The following TAFA2 variants were observed in gnomAD, a reference collection of about 807,000 sequenced individuals.
TAFA2 encodes the protein TAFA chemokine like family member 2.
TAFA2 carries 7 observed loss-of-function variants against 18.8 expected under a neutral mutation model. The ratio of observed to expected loss-of-function variants is 0.37; its 90% CI spans 0.21 to 0.70. The LOEUF (loss-of-function observed/expected upper bound fraction) is 0.70. TAFA2 is among the 30% of genes least tolerant of loss of function. The pLI is 0.53. For synonymous variants in TAFA2, 60 were observed against 54.2 expected (o/e 1.11, Z -0.47); for missense variants, 122 against 158.1 (o/e 0.77, Z 1.23).
At chr12:62,059,061 G>C (rs192692796) in intron 1 of TAFA2, among the ~76,000 whole-genome samples, 1,977 of 151,626 alleles carry the variant, frequency 0.013, 23 homozygotes, top group Non-Finnish European at 0.022. Context: ...CGAGATCACG[G>C]CACTGCACTC....
At chr12:61,831,340 T>C (rs1872714215) in intron 2 of TAFA2, among the ~76,000 whole-genome samples, 1 of 152,066 alleles carries the variant, frequency 6.6e-6, no homozygotes. Context: ...TGGAAAGAGA[T>C]GGAAACTCTG....
intron 1 of TAFA2, among the ~76,000 whole-genome samples, chr12:62,231,125 A>T (rs949807222): frequency 6.6e-6 from 1 of 152,188 alleles, no homozygotes; most frequent in African/African-American, 2.4e-5. Context: ...ATCTATTACT[A>T]AGAGCTGGGT....
chr12:62,239,796 T>C (rs2062853894), intron 1 of TAFA2, among the ~76,000 whole-genome samples: 1 of 152,172 alleles, frequency 6.6e-6, no homozygotes, highest in Admixed American at 6.5e-5. Flanking sequence ...CATTGAGTTA[T>C]ACACCACCCC....
At chr12:61,798,584 C>A (rs1490757246) in intron 2 of TAFA2, among the ~76,000 whole-genome samples, 1 of 152,074 alleles carries the variant, frequency 6.6e-6, no homozygotes, top group Non-Finnish European at 1.5e-5. Context: ...CCTGACAACC[C>A]CCATTCTACT....
intron 2 of TAFA2, among the ~76,000 whole-genome samples, chr12:61,806,124 T>C (rs546530421): frequency 7.9e-5 from 12 of 152,240 alleles, no homozygotes; most frequent in Non-Finnish European, 1.6e-4. Context: ...TTTTGTATTT[T>C]ATATGCTTAT....
intron 1 of TAFA2, among the ~76,000 whole-genome samples, chr12:62,052,996 TG>T (rs2136776832): frequency 6.6e-6 from 1 of 152,304 alleles, no homozygotes; most frequent in South Asian, 2.1e-4. Context: ...AAAAGGTTAG[TG>T]GGTCGTTGTC....
chr12:62,064,927 A>G (rs1477845421), intron 1 of TAFA2, among the ~76,000 whole-genome samples: 1 of 152,036 alleles, frequency 6.6e-6, no homozygotes, highest in African/African-American at 2.4e-5. Flanking sequence ...TATAAACTAG[A>G]GGTTCAGTTT....
intron 2 of TAFA2, among the ~76,000 whole-genome samples, chr12:61,836,673 A>G (rs755935573): frequency 6.7e-6 from 1 of 150,344 alleles, no homozygotes; most frequent in Non-Finnish European, 1.5e-5. Context: ...TGAAAGCATT[A>G]TATATCTCTT....
intron 1 of TAFA2, among the ~76,000 whole-genome samples, chr12:61,893,194 T>A (rs1875706361): frequency 6.6e-6 from 1 of 152,168 alleles, no homozygotes; most frequent in African/African-American, 2.4e-5. Flanking sequence ...GTTTTGACTA[T>A]GGCTTAGGGG....
intron 1 of TAFA2, among the ~76,000 whole-genome samples, chr12:61,997,888 G>A (rs1353896364): frequency 6.6e-6 from 1 of 151,758 alleles, no homozygotes; most frequent in Admixed American, 6.6e-5. Flanking sequence ...AAATAACAAA[G>A]TATAAAACTG....
At position 62,203,292 on chromosome 12, in the gene TAFA2, G is replaced by A. The variant is rs537608432; in HGVS notation, c.-130+55471C>T. Among the ~76,000 whole-genome samples the A allele has an allele frequency of 1.9e-4, 29 of 152,346 alleles. No homozygotes were observed. The South Asian group carries it at 2.1e-3, about 11-fold the overall frequency. ...AAGTTTAGAGTAAGCGCCATGTGGC[G>A]CCAAGAATAACGTATATTCTGTTGT... On this transcript the variant is annotated intron_variant, in intron 1 of 5. Coordinates refer to the TAFA2 transcript ENST00000551619.
At chr12:61,859,097 G>C (rs544263294) in intron 2 of TAFA2, among the ~76,000 whole-genome samples, 6 of 152,316 alleles carry the variant, frequency 3.9e-5, no homozygotes, top group Non-Finnish European at 7.3e-5. Flanking sequence ...ATTTATAAAG[G>C]AAAGAGGTTT....
chr12:61,955,456 G>T (rs1438700641), intron 1 of TAFA2, among the ~76,000 whole-genome samples: 2 of 150,292 alleles, frequency 1.3e-5, no homozygotes, highest in Admixed American at 6.7e-5. Flanking sequence ...ACAAAAATTA[G>T]CTGGGCATGA....
intron 1 of TAFA2, among the ~76,000 whole-genome samples, chr12:62,044,925 G>A (rs554080919): frequency 6.6e-6 from 1 of 152,258 alleles, no homozygotes; most frequent in African/African-American, 2.4e-5. Context: ...AAATTTGGCA[G>A]AGAAGCACCT....
At chr12:62,102,256 G>A (rs896432876) in intron 1 of TAFA2, among the ~76,000 whole-genome samples, 7 of 152,114 alleles carry the variant, frequency 4.6e-5, no homozygotes, top group Non-Finnish European at 1.0e-4. Context: ...TCTGGGTTCA[G>A]GTAGAAACTA....
At chr12:62,031,851 C>G (rs999742241) in intron 1 of TAFA2, among the ~76,000 whole-genome samples, 1 of 152,048 alleles carries the variant, frequency 6.6e-6, no homozygotes, top group Non-Finnish European at 1.5e-5. Flanking sequence ...TATTGTTAGT[C>G]TTAATTATGT....
intron 1 of TAFA2, among the ~76,000 whole-genome samples, chr12:61,989,280 A>G (rs1879917899): frequency 6.6e-6 from 1 of 152,188 alleles, no homozygotes; most frequent in African/African-American, 2.4e-5. Flanking sequence ...ATAGAAGAGA[A>G]GGACAATAAT....
At chr12:62,159,376 A>T (rs959234578) in intron 1 of TAFA2, among the ~76,000 whole-genome samples, 1 of 152,182 alleles carries the variant, frequency 6.6e-6, no homozygotes, top group Non-Finnish European at 1.5e-5. Context: ...AACTGAGTAG[A>T]CTATGGTGAA....
intron 1 of TAFA2, among the ~76,000 whole-genome samples, chr12:62,028,681 A>C (rs982930205): frequency 2.6e-5 from 4 of 152,206 alleles, no homozygotes; most frequent in Non-Finnish European, 5.9e-5. Flanking sequence ...TCACAGCAGA[A>C]GGCTCTCAAA....
Sources: gnomAD v4.1 joint callset for allele counts (sites outside exome capture counted in the v4.1 genomes callset) on GRCh38, gnomAD v4.1.1 for gene constraint, MANE v1.5 for transcripts, NCBI Gene and HGNC (gene_info 2026-07-23, HGNC 2026-07-21) for gene names.